The following NKX6-3 variants were observed in gnomAD, a reference collection of about 807,000 sequenced individuals.
NKX6-3 encodes the protein homeobox protein Nkx-6.3.
NKX6-3 carries 17 observed loss-of-function variants against 22.0 expected under a neutral mutation model. That is an observed-to-expected ratio of 0.77 (90% CI 0.53 to 1.16). NKX6-3 has a LOEUF of 1.16. NKX6-3 is among the 50% of genes most tolerant of loss of function. The pLI, the probability that NKX6-3 is intolerant of heterozygous loss-of-function variation, is 0.00. For missense variants in NKX6-3, 363 were observed against 359.0 expected (o/e 1.01, Z -0.09); for synonymous variants, 177 against 167.2 (o/e 1.06, Z -0.45).
At position 41,647,346 on chromosome 8, in the gene NKX6-3, C is replaced by G. The variant is rs1272073218; in HGVS notation, c.553-652G>C. 1.9e-6 allele frequency: 3 copies of G among 1,564,372 alleles called. No individual in the cohort carries two copies. The Admixed American group carries it at 5.9e-5, about 31-fold the overall frequency. ...AGCCTAGACCCAGGTGCCAGCTGCC[C>G]CTGCTGCATCCTTAGGCCCGTCGCC... On this transcript the variant is annotated intron_variant, in intron 2 of 2. Transcript: ENST00000518699.
rs777114289 is a variant in NKX6-3 at position 41,646,499 on chromosome 8, T to C, written c.748A>G (p.Lys250Glu). 1 of 1,610,792 alleles carries C rather than the reference T, an allele frequency of 6.2e-7. No homozygotes were observed. The highest frequency in any genetic ancestry group is 1.7e-5 in the Admixed American group (1 of 59,820). ...DDEKIRLLLR[K>E]HRAAFSVLSL... ...AGCACCGAGAAGGCGGCGCGGTGCTTGCGCAGCAGCAGGCGGATCTTCTCG... is the reference window on the plus strand; with the variant it reads ...AGCACCGAGAAGGCGGCGCGGTGCTCGCGCAGCAGCAGGCGGATCTTCTCG... Residue 250 changes from lysine to glutamate, a missense_variant, in exon 3 of 3, where the codon AAG becomes GAG. Lys to Glu is a moderately conservative substitution (Grantham distance 56). Coordinates refer to ENST00000518699, the MANE Select transcript of NKX6-3 (RefSeq NM_001364841.2).
chr8:41,647,108 T>C, intron 2 of NKX6-3: 3 of 1,435,000 alleles, frequency 2.1e-6, no homozygotes, highest in Non-Finnish European at 2.9e-6. Flanking sequence ...ACCCTCACCC[T>C]ACTTCATAAA....
chr8:41,648,143 C>T lies in NKX6-3; in HGVS notation c.475G>A (p.Glu159Lys). 1 of 1,538,528 alleles carries T rather than the reference C, an allele frequency of 6.5e-7. No individual in the cohort carries two copies. The stretch of plus-strand genomic sequence containing the variant: ...GGGCCAGCCAAGTACTTGGTCTGCT[C>T]AAAGGTTTTCTCCAGGGCAAAGATC... ...HQIFALEKTF[E>K]QTKYLAGPER... is the part of the protein sequence containing the mutation. Residue 159 changes from glutamate (E) to lysine (K), a missense_variant, in exon 2 of 3, where the codon GAG becomes AAG. Physicochemically the swap from Glu to Lys is moderately conservative, Grantham distance 56. This residue lies in a region of NKX6-3 where 169 missense variants were observed against 155.8 expected (regional missense o/e 1.08). Transcript: ENST00000518699.
intron 2 of NKX6-3, chr8:41,647,378 C>T (rs1217407999): frequency 6.5e-7 from 1 of 1,535,010 alleles, no homozygotes; most frequent in Non-Finnish European, 8.7e-7. Context: ...CGCCGAGTCA[C>T]TGAGCCAGCA....
Position 41,646,275 on chromosome 8 carries a change from C to T in NKX6-3, c.*174G>A. 1.2e-6 allele frequency: 1 copy of T among 839,100 alleles called. No individual in the cohort carries two copies. The highest frequency in any genetic ancestry group is 2.7e-5 in the East Asian group (1 of 36,664). The allele number at this position is 839,100 out of a possible 1,614,324, so 52.0% of individuals were successfully genotyped here. Reference sequence around the variant, plus strand: ...CCCTTTCCCTCCTTTTCCTCCTCCTCCCCCGCCTCCCCTCCTCCTCCCCTG... The same window carrying T: ...CCCTTTCCCTCCTTTTCCTCCTCCTTCCCCGCCTCCCCTCCTCCTCCCCTG... On this transcript the variant is annotated 3_prime_UTR_variant, in exon 3 of 3. Coordinates refer to ENST00000518699, the MANE Select transcript of NKX6-3 (RefSeq NM_001364841.2).
chr8:41,649,059 G>C (rs955739101), intron 1 of NKX6-3, among the ~76,000 whole-genome samples: 1 of 152,212 alleles, frequency 6.6e-6, no homozygotes, highest in East Asian at 1.9e-4. Context: ...GGGATGTGGA[G>C]AGGGGAGGGG....
At position 41,650,660 on chromosome 8, in the gene NKX6-3, G is replaced by T. The variant is rs1047729963; in HGVS notation, c.-168C>A. ...GGCCCTGGCCCAGGAACCGGCACCC[G>T]ATCAGCTGCTCGGAAGTCAGGTGCT... On this transcript the variant is annotated 5_prime_UTR_variant, in exon 1 of 3. Coordinates refer to ENST00000518699, the MANE Select transcript of NKX6-3 (RefSeq NM_001364841.2). 7.5e-6 allele frequency: 5 copies of T among 663,860 alleles called. No homozygotes were observed. The highest frequency in any genetic ancestry group is 1.2e-5 in the Non-Finnish European group (5 of 401,190). 41.1% of individuals were successfully genotyped at this position (663,860 alleles called of 1,614,324 possible).
In NKX6-3 at chr8:41,646,444, G is replaced by C. The variant is rs758384855; in HGVS notation, c.*5C>G. On this transcript the variant is annotated 3_prime_UTR_variant, in exon 3 of 3. Transcript: ENST00000518699. ...AGCCAGGATCCCGGGCCTGGACGGC[G>C]GGCGTCAGACGCTGTGCGCTCCCAG... is the stretch of plus-strand genomic sequence containing the variant. 1.3e-4 allele frequency: 212 copies of C among 1,589,330 alleles called. No individual in the cohort carries two copies. The highest frequency in any genetic ancestry group is 3.6e-4 in the Middle Eastern group (2 of 5,606).
At chr8:41,648,011 C>T in intron 2 of NKX6-3, 55 bp downstream of exon 2, 1 of 1,462,322 alleles carries the variant, frequency 6.8e-7, no homozygotes, top group Non-Finnish European at 9.1e-7. Context: ...GCAGTGGCCT[C>T]CTGTCCGGCA....
intron 2 of NKX6-3, 146 bp downstream of exon 2, chr8:41,647,920 G>A (rs2150519711): frequency 4.4e-6 from 3 of 679,832 alleles, no homozygotes; most frequent in Non-Finnish European, 7.1e-6. Context: ...ACAGGCTCCA[G>A]GGTTAGGCAG....
intron 2 of NKX6-3, chr8:41,647,185 G>A: frequency 6.2e-7 from 1 of 1,612,748 alleles, no homozygotes; most frequent in East Asian, 2.2e-5. Context: ...GAAGAGGGCA[G>A]GAACGCACCC....
At position 41,646,383 on chromosome 8, in the gene NKX6-3, G is replaced by C; in HGVS notation, c.*66C>G. ...CCCCAGGAGCGTGGGGAAGGGGAGGGGAAGGTAGGCTCCTCGGCGTCCCCC... is the reference window on the plus strand; with the variant it reads ...CCCCAGGAGCGTGGGGAAGGGGAGGCGAAGGTAGGCTCCTCGGCGTCCCCC... On this transcript the variant is annotated 3_prime_UTR_variant, in exon 3 of 3. Coordinates refer to ENST00000518699, the MANE Select transcript of NKX6-3 (RefSeq NM_001364841.2). The C allele has an allele frequency of 6.5e-7, 1 of 1,530,020 alleles. No individual in the cohort carries two copies. The highest frequency in any genetic ancestry group is 8.7e-7 in the Non-Finnish European group (1 of 1,143,404). 94.8% of individuals were successfully genotyped at this position (1,530,020 alleles called of 1,614,324 possible).
rs187845100 is a variant in NKX6-3 at position 41,650,653 on chromosome 8, G to C, written c.-161C>G. ...TGGGCCAGGCCCTGGCCCAGGAACCGGCACCCGATCAGCTGCTCGGAAGTC... is the reference window on the plus strand; with the variant it reads ...TGGGCCAGGCCCTGGCCCAGGAACCCGCACCCGATCAGCTGCTCGGAAGTC... On this transcript the variant is annotated 5_prime_UTR_variant, in exon 1 of 3. Coordinates refer to ENST00000518699, the MANE Select transcript of NKX6-3 (RefSeq NM_001364841.2). 123 of 688,498 alleles carry C rather than the reference G, an allele frequency of 1.8e-4. No individual in the cohort carries two copies. The African/African-American group carries it at 2.0e-3, about 11-fold the overall frequency. 42.6% of individuals were successfully genotyped at this position (688,498 alleles called of 1,614,324 possible).
intron 1 of NKX6-3, among the ~76,000 whole-genome samples, chr8:41,648,556 C>T (rs1028588557): frequency 6.6e-6 from 1 of 152,228 alleles, no homozygotes; most frequent in Admixed American, 6.5e-5. Flanking sequence ...CAGGAGTTCC[C>T]TCTCTGTCCC....
chr8:41,649,778 A>G (rs1304400502), intron 1 of NKX6-3, among the ~76,000 whole-genome samples: 2 of 152,142 alleles, frequency 1.3e-5, no homozygotes, highest in Non-Finnish European at 2.9e-5. Context: ...GGGCTGCAGA[A>G]GCCAGCTGGG....
Position 41,650,520 on chromosome 8 carries a change from T to A in NKX6-3, c.-28A>T. 6.5e-7 allele frequency: 1 copy of A among 1,531,864 alleles called. No individual in the cohort carries two copies. The highest frequency in any genetic ancestry group is 8.7e-7 in the Non-Finnish European group (1 of 1,145,656). The allele number at this position is 1,531,864 out of a possible 1,614,324, so 94.9% of individuals were successfully genotyped here. A position where few individuals can be genotyped will look rare whatever the true frequency, so the allele number is the denominator to read the frequency against. On this transcript the variant is annotated 5_prime_UTR_variant, in exon 1 of 3. Coordinates refer to ENST00000518699, the MANE Select transcript of NKX6-3 (RefSeq NM_001364841.2). ...TCTCCCAGTCAGGACAGGGAAGGCT[T>A]CTCCAGGCCCCTAAAACCCAAGAGC... is the stretch of plus-strand genomic sequence containing the variant.
At position 41,645,970 on chromosome 8, in the gene NKX6-3, G is replaced by T; in HGVS notation, c.*479C>A. On this transcript the variant is annotated 3_prime_UTR_variant, in exon 3 of 3. Coordinates refer to ENST00000518699, the MANE Select transcript of NKX6-3 (RefSeq NM_001364841.2). ...TTCTGCAGCCAGCAGCTGGCTTGGG[G>T]CCCAAGACTCTGGACTTCTGACTCC... The T allele has an allele frequency of 5.1e-6, 1 of 194,892 alleles. No homozygotes were observed. The highest frequency in any genetic ancestry group is 1.0e-5 in the Non-Finnish European group (1 of 96,868). 12.1% of individuals were successfully genotyped at this position (194,892 alleles called of 1,614,324 possible). A position where few individuals can be genotyped will look rare whatever the true frequency, so the allele number is the denominator to read the frequency against.
In NKX6-3 at chr8:41,648,224, G is replaced by A; in HGVS notation, c.394C>T (p.Leu132=). Residue 132 remains leucine, a synonymous_variant, in exon 2 of 3, where the codon CTG becomes TTG. Transcript: ENST00000518699. ...TTCTTCTTGTGTATGCTGTCACTCA[G>A]GGGGTCTGGGGCTGGCAGGAGGAAG... ...GRQCSNTPDP[L]SDSIHKKKHT... The A allele has an allele frequency of 6.5e-7, 1 of 1,535,696 alleles. No individual in the cohort carries two copies. Among genetic ancestry groups the A allele is most frequent in the African/African-American group, 1.4e-5 (1 of 73,146 alleles).
rs1466388879 is a variant in NKX6-3, at chr8:41,645,531, T to C, written c.*918A>G. On this transcript the variant is annotated 3_prime_UTR_variant, in exon 3 of 3. Transcript: ENST00000518699. ...TTGGAGGGGTGCCGTTCTGGGGTCTTTCCCAGCCCTTCCTTTCCTCCCCAG... is the reference window on the plus strand; with the variant it reads ...TTGGAGGGGTGCCGTTCTGGGGTCTCTCCCAGCCCTTCCTTTCCTCCCCAG... 2 of 152,340 alleles carry C rather than the reference T, an allele frequency of 1.3e-5. No homozygotes were observed. Among genetic ancestry groups the C allele is most frequent in the African/African-American group, 4.8e-5 (2 of 41,438 alleles). 9.4% of individuals were successfully genotyped at this position (152,340 alleles called of 1,614,324 possible). A position where few individuals can be genotyped will look rare whatever the true frequency, so the allele number is the denominator to read the frequency against.
Sources: gnomAD v4.1 joint callset for allele counts (sites outside exome capture counted in the v4.1 genomes callset) on GRCh38, gnomAD v4.1.1 for gene constraint, gnomAD v4.1.1 regional missense constraint, MANE v1.5 for transcripts, NCBI Gene and HGNC (gene_info 2026-07-23, HGNC 2026-07-21) for gene names.